VIPR2: variants seen among roughly 807,000 people sequenced by gnomAD.
VIPR2 encodes vasoactive intestinal polypeptide receptor 2.
VIPR2 carries 48 observed loss-of-function variants against 58.0 expected under a neutral mutation model. That is an observed-to-expected ratio of 0.83 (90% CI 0.66 to 1.05). The LOEUF (loss-of-function observed/expected upper bound fraction) is 1.05, where lower values mean the gene tolerates loss of function less well. Ranked by LOEUF, VIPR2 falls within the 50% of genes least tolerant of loss-of-function variation. The probability of loss-of-function intolerance (pLI) is 0.00; values close to 1 mark genes in which losing one functional copy is unlikely to be tolerated. For synonymous variants in VIPR2, 243 were observed against 235.2 expected, an observed-to-expected ratio of 1.03 and a Z score of -0.30; for missense variants, 534 against 558.0, an observed-to-expected ratio of 0.96 and a Z score of 0.43.
chr7:159,135,700 G>A (rs569115482), intron 2 of VIPR2, among the ~76,000 whole-genome samples: 23 of 152,144 alleles, frequency 1.5e-4, no homozygotes, highest in African/African-American at 5.5e-4. Flanking sequence ...ACAGGCGCCT[G>A]TAATCCCAGC....
chr7:159,117,848 C>A (rs556894521), intron 2 of VIPR2, among the ~76,000 whole-genome samples: 13 of 152,346 alleles, frequency 8.5e-5, no homozygotes, highest in Non-Finnish European at 1.5e-4. Flanking sequence ...GCTCTAGGAA[C>A]CAGCGAGTGG....
chr7:159,030,810 G>A (rs117023057), intron 12 of VIPR2, 21 bp from the exon 13 acceptor site: 25,053 of 1,543,292 alleles, frequency 0.016, 239 homozygotes, highest in Non-Finnish European at 0.018. Flanking sequence ...AGGGCAGCGG[G>A]AACGCCCGTG....
chr7:159,053,923 C>T (rs1341258800), intron 5 of VIPR2, among the ~76,000 whole-genome samples: 2 of 152,188 alleles, frequency 1.3e-5, no homozygotes, highest in African/African-American at 2.4e-5. Flanking sequence ...TACAAATGGC[C>T]AAGCTCTTCC....
chr7:159,118,776 A>T (rs1224299217), intron 2 of VIPR2, among the ~76,000 whole-genome samples: 1 of 152,252 alleles, frequency 6.6e-6, no homozygotes, highest in Non-Finnish European at 1.5e-5. Flanking sequence ...CTGTGACCAG[A>T]ACAACGTGGC....
rs1011094380 is a variant in VIPR2, at chr7:159,127,623, T to A, written c.151+14823A>T. ...ATTGCAAATGCCTCAGAGGTGGGAG[T>A]CTCTTCCACACCTGCAGGGTCCTCG... is the stretch of plus-strand genomic sequence containing the variant. On this transcript the variant is annotated intron_variant, in intron 2 of 12. Coordinates refer to ENST00000262178, the MANE Select transcript of VIPR2 (RefSeq NM_003382.5). This position sits in a 1 kb window ranked among gnomAD's most constrained non-coding sequence, Gnocchi z 4.6. Among the ~76,000 whole-genome samples the A allele has an allele frequency of 1.3e-5, 2 of 151,580 alleles. No homozygotes were observed. The highest frequency in any genetic ancestry group is 4.9e-5 in the African/African-American group (2 of 41,234).
chr7:159,115,799 G>A (rs996264368), intron 2 of VIPR2, among the ~76,000 whole-genome samples: 1 of 152,220 alleles, frequency 6.6e-6, no homozygotes, highest in Non-Finnish European at 1.5e-5. Flanking sequence ...GCTGGTGTCC[G>A]AGCTGCCCCA....
At chr7:159,131,054 G>T (rs1228409852) in intron 2 of VIPR2, among the ~76,000 whole-genome samples, 2 of 152,196 alleles carry the variant, frequency 1.3e-5, no homozygotes, top group African/African-American at 2.4e-5. Flanking sequence ...TCTACATGCA[G>T]AAACGTAGAT....
chr7:159,108,671 G>A (rs1039478764), intron 3 of VIPR2, among the ~76,000 whole-genome samples: 1 of 152,210 alleles, frequency 6.6e-6, no homozygotes, highest in African/African-American at 2.4e-5. Flanking sequence ...GGCTGGACTG[G>A]ATTCTGGTGC....
intron 2 of VIPR2, among the ~76,000 whole-genome samples, chr7:159,135,022 T>TATTTATTTA (rs1563357368): frequency 9.6e-6 from 1 of 104,370 alleles, no homozygotes; most frequent in African/African-American, 3.7e-5. Context: ...TTTTTTTTTT[T>TATTTATTTA]TTTTTTTTAA....
chr7:159,144,293 C>T, intron 1 of VIPR2: 3 of 1,391,536 alleles, frequency 2.2e-6, no homozygotes, highest in Non-Finnish European at 2.8e-6. Context: ...GACACTAAAA[C>T]TAACCAGTAA....
At chr7:159,057,929 C>CGT (rs1855417040) in intron 5 of VIPR2, among the ~76,000 whole-genome samples, 1 of 152,228 alleles carries the variant, frequency 6.6e-6, no homozygotes, top group Non-Finnish European at 1.5e-5. Flanking sequence ...CACAACCTCA[C>CGT]GTGCCATGCT....
chr7:159,132,853 GATTGATTTTAGACAGAATGATTGGCA>G (rs1797002760), intron 2 of VIPR2, among the ~76,000 whole-genome samples: 8 of 127,376 alleles, frequency 6.3e-5, no homozygotes, highest in African/African-American at 2.2e-4. Flanking sequence ...TTGGCATACC[GATTGATTTTAGACAGAATGATTGGCA>G]TACAGATTGA....
chr7:159,133,228 C>G (rs1797055735), intron 2 of VIPR2, among the ~76,000 whole-genome samples: 1 of 152,430 alleles, frequency 6.6e-6, no homozygotes, highest in African/African-American at 2.4e-5. Context: ...CAAAAGCAGC[C>G]ACCTGAGGCT....
intron 5 of VIPR2, among the ~76,000 whole-genome samples, chr7:159,044,166 T>C (rs1026374189): frequency 3.3e-5 from 5 of 152,142 alleles, no homozygotes; most frequent in Non-Finnish European, 5.9e-5. Flanking sequence ...TTTTTCTTTT[T>C]TTTTCAGTTT....
At chr7:159,107,685 C>T (rs978665028) in intron 3 of VIPR2, among the ~76,000 whole-genome samples, 1 of 152,010 alleles carries the variant, frequency 6.6e-6, no homozygotes, top group Non-Finnish European at 1.5e-5. Flanking sequence ...CTGCCCGCTG[C>T]TTCTGGAACT....
intron 2 of VIPR2, among the ~76,000 whole-genome samples, chr7:159,136,054 G>T (rs1201226728): frequency 6.6e-6 from 1 of 152,196 alleles, no homozygotes; most frequent in East Asian, 1.9e-4. Context: ...GTCTGCTCAT[G>T]TGTCTAAGTT....
At chr7:159,101,359 G>C (rs1244942705) in intron 4 of VIPR2, among the ~76,000 whole-genome samples, 1 of 133,216 alleles carries the variant, frequency 7.5e-6, no homozygotes, top group Non-Finnish European at 1.6e-5. Flanking sequence ...GGTAGTGAAC[G>C]GGTCTCACGA....
In VIPR2 at chr7:159,111,167, T is replaced by C. The variant is rs918979022; in HGVS notation, c.152-1248A>G. ...GTAAACCAAGCACTTCTAACTCTGG[T>C]GTGTAGGGCAGGTGGTGGAGAGGTG... On this transcript the variant is annotated intron_variant, in intron 2 of 12. Coordinates refer to ENST00000262178, the MANE Select transcript of VIPR2 (RefSeq NM_003382.5). 2.1e-4 allele frequency among the ~76,000 whole-genome samples: 32 copies of C among 152,206 alleles called. 1 individual carries two copies. The highest frequency in any genetic ancestry group is 7.7e-4 in the African/African-American group (32 of 41,516).
chr7:159,082,524 T>C (rs10254546), intron 4 of VIPR2, among the ~76,000 whole-genome samples: 60,897 of 152,008 alleles, frequency 0.4, 15,049 homozygotes, highest in African/African-American at 0.71. Flanking sequence ...TGCTAAGTGA[T>C]GAGTTAATGG....
Sources: gnomAD v4.1 joint callset for allele counts (sites outside exome capture counted in the v4.1 genomes callset) on GRCh38, gnomAD v4.1.1 for gene constraint, Gnocchi (gnomAD v3.1) non-coding constraint, MANE v1.5 for transcripts, NCBI Gene and HGNC (gene_info 2026-07-23, HGNC 2026-07-21) for gene names.